ESYT1: variants seen among roughly 807,000 people sequenced by gnomAD.
The protein encoded by ESYT1 is extended synaptotagmin-1.
In ESYT1, 116 loss-of-function variants were observed where a neutral mutation model predicts 154.2. The observed-to-expected ratio is 0.75, with a 90% CI of 0.65 to 0.88. The LOEUF (loss-of-function observed/expected upper bound fraction) is 0.88, where lower values mean the gene tolerates loss of function less well. Ranked by LOEUF, ESYT1 falls within the 40% of genes least tolerant of loss-of-function variation. The pLI, the probability that ESYT1 is intolerant of heterozygous loss-of-function variation, is 0.00. For missense variants in ESYT1, 1,264 were observed against 1,379.3 expected (o/e 0.92, Z 1.32); for synonymous variants, 500 against 539.9 (o/e 0.93, Z 1.02).
In ESYT1 at chr12:56,133,671, G is replaced by A; in HGVS notation, c.1377G>A (p.Glu459=). The A allele has an allele frequency of 6.2e-7, 1 of 1,614,210 alleles. No individual in the cohort carries two copies. The highest frequency in any genetic ancestry group is 8.5e-7 in the Non-Finnish European group (1 of 1,180,038). Residue 459 remains glutamate (E), a synonymous_variant, in exon 12 of 31, where the codon GAG becomes GAA. Transcript: ENST00000394048. ...TTTTGTCAGATGCAGAGAAACTGGAGCAGGTAAGCCACATGGGAAATAGGA... is the reference window on the plus strand; with the variant it reads ...TTTTGTCAGATGCAGAGAAACTGGAACAGGTAAGCCACATGGGAAATAGGA... ...LSLLSDAEKL[E]QVLQWNWGVS...
chr12:56,136,701 T>C, intron 15 of ESYT1, 43 bp from the exon 16 acceptor site: 1 of 1,519,784 alleles, frequency 6.6e-7, no homozygotes, highest in Non-Finnish European at 8.9e-7. Flanking sequence ...TGCCTCCCTT[T>C]CCCCTAATCC....
chr12:56,137,764 C>A, intron 18 of ESYT1, 68 bp from the exon 19 acceptor site: 1 of 1,610,614 alleles, frequency 6.2e-7, no homozygotes, highest in Non-Finnish European at 8.5e-7. Context: ...GTTCAGTTGA[C>A]TGGGGGGTCC....
chr12:56,134,219 A>T (rs750857500), intron 14 of ESYT1, 38 bp downstream of exon 14: 2 of 1,607,588 alleles, frequency 1.2e-6, no homozygotes, highest in African/African-American at 1.3e-5. Context: ...GCCAGGTAGG[A>T]CAGGGAGAGG....
rs778976202 is a variant in ESYT1 at position 56,132,438 on chromosome 12, C to A, written c.1002C>A (p.His334Gln). The A allele has an allele frequency of 6.2e-7, 1 of 1,614,180 alleles. No homozygotes were observed. The highest frequency in any genetic ancestry group is 1.7e-5 in the Admixed American group (1 of 60,022). Residue 334 changes from histidine to glutamine, a missense_variant, in exon 9 of 31, where the codon CAC (histidine) becomes CAA (glutamine). Transcript: ENST00000394048. Reference protein sequence around the residue: ...SPLPRGIIRIHLLAARGLSSK... With the variant: ...SPLPRGIIRIQLLAARGLSSK... ...TCCTCCAGGGCATTATTCGAATTCACCTGCTGGCTGCTCGAGGGCTGAGTT... is the reference window on the plus strand; with the variant it reads ...TCCTCCAGGGCATTATTCGAATTCAACTGCTGGCTGCTCGAGGGCTGAGTT...
At chr12:56,128,826 C>A in intron 1 of ESYT1, 117 bp downstream of exon 1, 1 of 1,296,368 alleles carries the variant, frequency 7.7e-7, no homozygotes. Context: ...GGGCCCCAGA[C>A]TTTCCCCTCT....
At chr12:56,133,921 C>T (rs772852144) in intron 13 of ESYT1, 48 bp downstream of exon 13, 5 of 1,591,540 alleles carry the variant, frequency 3.1e-6, no homozygotes, top group Non-Finnish European at 3.4e-6. Context: ...CATTCCCCAA[C>T]CCTGCCTTGC....
chr12:56,137,230 G>A lies in ESYT1; in HGVS notation c.1795G>A (p.Asp599Asn), dbSNP rs1398996069. The A allele has an allele frequency of 6.2e-7, 1 of 1,614,162 alleles. No individual in the cohort carries two copies. The highest frequency in any genetic ancestry group is 1.3e-5 in the African/African-American group (1 of 75,024). The change falls in exon 17 of 31, where the codon GAT becomes AAT. Residue 599 changes from aspartate to asparagine, a missense_variant. Coordinates refer to ENST00000394048, the MANE Select transcript of ESYT1 (RefSeq NM_015292.3). ...CTACCCTTCCTAGATCCTGTACTTG[G>A]ATTCATCAGAAATATGCTTCCCCAC... ...MKLVMRILYLDSSEICFPTVP... is the reference protein window; with the variant it reads ...MKLVMRILYLNSSEICFPTVP...
chr12:56,135,322 C>G (rs578069650), intron 15 of ESYT1, among the ~76,000 whole-genome samples: 1 of 151,456 alleles, frequency 6.6e-6, no homozygotes, highest in South Asian at 2.1e-4. Flanking sequence ...GGATGTGCCA[C>G]CATGCCTGGC....
chr12:56,128,843 G>C (rs1350691570), intron 1 of ESYT1, 134 bp downstream of exon 1: 2 of 1,110,556 alleles, frequency 1.8e-6, no homozygotes, highest in South Asian at 1.5e-5. Context: ...CTCTCTCCCC[G>C]CTAGCCGCCT....
intron 15 of ESYT1, among the ~76,000 whole-genome samples, chr12:56,136,060 CAAAAAAAA>C (rs72370981): frequency 2.2e-5 from 1 of 45,756 alleles, no homozygotes; most frequent in Non-Finnish European, 4.7e-5. Context: ...ACTCTGTCTC[CAAAAAAAA>C]AAAAAAAAAA....
At position 56,137,256 on chromosome 12, in the gene ESYT1, G is replaced by C. The variant is rs61733171; in HGVS notation, c.1821G>C (p.Thr607=). The change falls in exon 17 of 31, where the codon ACG becomes ACC. Residue 607 remains threonine (T), a synonymous_variant. Transcript: ENST00000394048. Reference sequence around the variant, plus strand: ...ATTCATCAGAAATATGCTTCCCCACGGTGCCTGGTTGTCCTGGTGCTTGGG... The same window carrying C: ...ATTCATCAGAAATATGCTTCCCCACCGTGCCTGGTTGTCCTGGTGCTTGGG... The part of the protein sequence containing the change: ...YLDSSEICFP[T]VPGCPGAWDV... 6.8e-6 allele frequency: 11 copies of C among 1,614,098 alleles called. No homozygotes were observed. In the East Asian group the frequency reaches 2.2e-4, roughly 33 times the overall value.
In ESYT1 at chr12:56,142,958, C is replaced by A. The variant is rs765430422; in HGVS notation, c.2987+25C>A. The A allele has an allele frequency of 2.5e-6, 4 of 1,614,012 alleles. No homozygotes were observed. Among genetic ancestry groups the A allele is most frequent in the Non-Finnish European group, 3.4e-6 (4 of 1,180,028 alleles). ...GGTGAGACCCCATCCCTCCTGTCCTCCAGATCGCCTCCATCCCTTCCCTCA... is the reference window on the plus strand; with the variant it reads ...GGTGAGACCCCATCCCTCCTGTCCTACAGATCGCCTCCATCCCTTCCCTCA... On this transcript the variant is annotated intron_variant, in intron 27 of 30. Transcript: ENST00000394048. The surrounding 1 kb of genome is among the most constrained non-coding windows in gnomAD (Gnocchi z 4.1).
intron 7 of ESYT1, 95 bp downstream of exon 7, chr12:56,131,899 T>C (rs1870250585): frequency 2.3e-6 from 3 of 1,291,174 alleles, no homozygotes; most frequent in African/African-American, 1.5e-5. Context: ...TTGTGTCCTC[T>C]AGGAGCCTCA....
At position 56,133,624 on chromosome 12, in the gene ESYT1, T is replaced by C; in HGVS notation, c.1330T>C (p.Leu444=). 1 of 1,614,230 alleles carries C rather than the reference T, an allele frequency of 6.2e-7. No individual in the cohort carries two copies. The highest frequency in any genetic ancestry group is 8.5e-7 in the Non-Finnish European group (1 of 1,180,042). The change falls in exon 12 of 31, where the codon TTG becomes CTG. Residue 444 remains leucine, a synonymous_variant. Coordinates refer to ENST00000394048, the MANE Select transcript of ESYT1 (RefSeq NM_015292.3). ...PLQGGQGQVH[L]RLEWLSLLSD... is the part of the protein sequence containing the mutation. ...ACAAGGTGGGCAAGGCCAAGTTCAC[T>C]TGAGGCTAGAATGGCTGTCACTTTT...
Position 56,130,903 on chromosome 12 carries a change from C to A in ESYT1, c.545C>A (p.Thr182Lys). Residue 182 changes from threonine to lysine, a missense_variant, in exon 3 of 31, where the codon ACA (threonine) becomes AAA (lysine). Physicochemically the swap from Thr to Lys is moderately conservative, Grantham distance 78 (BLOSUM62 -1). Coordinates refer to ENST00000394048, the MANE Select transcript of ESYT1 (RefSeq NM_015292.3). ...CCCCATCTGCAAACATTTACATTTA[C>A]ACGAGTGGAACTGGGTGAAAAGGTA... ...SNPHLQTFTF[T>K]RVELGEKPLR... The A allele has an allele frequency of 6.2e-7, 1 of 1,614,204 alleles. No individual in the cohort carries two copies.
chr12:56,142,069 C>T lies in ESYT1; in HGVS notation c.2593-216C>T, dbSNP rs1322349164. 6.6e-6 allele frequency among the ~76,000 whole-genome samples: 1 copy of T among 151,272 alleles called. No individual in the cohort carries two copies. The highest frequency in any genetic ancestry group is 1.5e-5 in the Non-Finnish European group (1 of 67,852). On this transcript the variant is annotated intron_variant, in intron 24 of 30. Coordinates refer to ENST00000394048, the MANE Select transcript of ESYT1 (RefSeq NM_015292.3). This position sits in a 1 kb window ranked among gnomAD's most constrained non-coding sequence, Gnocchi z 4.1. ...GACCAGATCACGCCATGCACTCCAG[C>T]CTGGGCAACAAGAGCGAAACTCTGT...
intron 15 of ESYT1, 52 bp downstream of exon 15, chr12:56,134,480 A>T: frequency 6.8e-7 from 1 of 1,480,970 alleles, no homozygotes; most frequent in Non-Finnish European, 9.4e-7. Flanking sequence ...CTGACTTCCC[A>T]GATCTGTACC....
At chr12:56,131,905 C>T in intron 7 of ESYT1, 101 bp downstream of exon 7, 2 of 1,240,932 alleles carry the variant, frequency 1.6e-6, no homozygotes. Flanking sequence ...CCTCTAGGAG[C>T]CTCAACTTCA....
chr12:56,128,780 C>T, intron 1 of ESYT1, 71 bp downstream of exon 1: 1 of 1,576,692 alleles, frequency 6.3e-7, no homozygotes, highest in South Asian at 1.1e-5. Context: ...GCTTTTCCTC[C>T]TTATGCCTAG....
Sources: allele counts gnomAD v4.1 joint callset (sites outside exome capture counted in the v4.1 genomes callset), GRCh38; gene constraint gnomAD v4.1.1; non-coding constraint Gnocchi (gnomAD v3.1); transcripts MANE v1.5; gene names NCBI Gene and HGNC (gene_info 2026-07-23, HGNC 2026-07-21).